The following MALRD1 variants were observed in gnomAD, a reference collection of about 807,000 sequenced individuals.
MALRD1 encodes MAM and LDL receptor class A domain containing 1, also known as MAM and LDL-receptor class A domain-containing protein 1.
A neutral mutation model predicts 242.1 loss-of-function variants in MALRD1; 247 were observed. The ratio of observed to expected loss-of-function variants is 1.02; its 90% confidence interval spans 0.92 to 1.13. MALRD1 has a LOEUF of 1.13. Among genes scored for constraint, MALRD1 ranks in the 50% most tolerant of loss-of-function variants. The pLI is 0.00. For missense variants in MALRD1, 2,989 were observed against 2,533.1 expected (o/e 1.18, Z -3.86); for synonymous variants, 995 against 866.6 (o/e 1.15, Z -2.60).
In MALRD1 at chr10:19,133,957, G is replaced by GAAA; in HGVS notation, c.1203+18_1203+20dup. ...ATCTGAAGACATTTAAGGTATGAAAGAAAAAAAAAAAGTATTTTTTTATCA... is the reference window on the plus strand; with the variant it reads ...ATCTGAAGACATTTAAGGTATGAAAGAAAAAAAAAAAAAAGTATTTTTTTATCA... On this transcript the variant is annotated intron_variant, in intron 9 of 39. Transcript: ENST00000454679. 1 of 991,894 alleles carries GAAA rather than the reference G, an allele frequency of 1.0e-6. No homozygotes were observed. Among genetic ancestry groups the GAAA allele is most frequent in the Non-Finnish European group, 1.3e-6 (1 of 793,426 alleles). 61.4% of individuals were successfully genotyped at this position (991,894 alleles called of 1,614,324 possible).
intron 21 of MALRD1, among the ~76,000 whole-genome samples, chr10:19,284,543 T>A (rs1319903239): frequency 6.6e-6 from 1 of 151,412 alleles, no homozygotes; most frequent in Non-Finnish European, 1.5e-5. Context: ...AGAATGATGG[T>A]TTCCAGTTTC....
chr10:19,436,039 G>GT (rs1361034890), intron 28 of MALRD1, among the ~76,000 whole-genome samples: 11 of 152,210 alleles, frequency 7.2e-5, no homozygotes, highest in African/African-American at 2.4e-4. Context: ...CTCAGCACCT[G>GT]TATCACCTGA....
Position 19,219,703 on chromosome 10 carries a change from C to T in MALRD1, c.2991+10023C>T, listed in dbSNP as rs114209457. Among the ~76,000 whole-genome samples, 1,239 of 152,314 alleles carry T rather than the reference C, an allele frequency of 8.1e-3. 20 individuals carry two copies. The highest frequency in any genetic ancestry group is 0.028 in the African/African-American group (1,170 of 41,570). On this transcript the variant is annotated intron_variant, in intron 18 of 39. Coordinates refer to ENST00000454679, the MANE Select transcript of MALRD1 (RefSeq NM_001142308.3). ...CCTCCCAGAGTGTTGGGATTACAGG[C>T]ATGAGCCACCATACTCAGCCAATAT...
At chr10:19,625,364 T>C (rs544618954) in intron 36 of MALRD1, among the ~76,000 whole-genome samples, 245 of 152,230 alleles carry the variant, frequency 1.6e-3, no homozygotes, top group Middle Eastern at 3.4e-3. Flanking sequence ...TGAAAATTCA[T>C]ATGGTTGCTT....
At chr10:19,733,648 T>C (rs969098810) in intron 39 of MALRD1, among the ~76,000 whole-genome samples, 23 of 150,316 alleles carry the variant, frequency 1.5e-4, no homozygotes, top group African/African-American at 5.6e-4. Flanking sequence ...TTTTTTTTTC[T>C]TGCACATTAT....
chr10:19,589,968 C>T (rs1163848079), intron 33 of MALRD1, among the ~76,000 whole-genome samples: 1 of 152,148 alleles, frequency 6.6e-6, no homozygotes, highest in Non-Finnish European at 1.5e-5. Flanking sequence ...TAACTACTGT[C>T]AGGACCGACC....
At position 19,302,337 on chromosome 10, in the gene MALRD1, G is replaced by A. The variant is rs188654672; in HGVS notation, c.3419+19156G>A. Among the ~76,000 whole-genome samples the A allele has an allele frequency of 2.6e-5, 4 of 151,780 alleles. No individual in the cohort carries two copies. In the East Asian group the frequency reaches 7.8e-4, roughly 30 times the overall value. On this transcript the variant is annotated intron_variant, in intron 21 of 39. Transcript: ENST00000454679. The stretch of plus-strand genomic sequence containing the variant: ...TACCCACAAAAAACCTTATACATGA[G>A]TATTCATAACAGCATTATTCATAAT...
intron 33 of MALRD1, among the ~76,000 whole-genome samples, chr10:19,582,173 G>T (rs1245126168): frequency 6.6e-6 from 1 of 151,934 alleles, no homozygotes; most frequent in Admixed American, 6.6e-5. Flanking sequence ...TCTGTAGGTT[G>T]CCTGTTCACT....
chr10:19,552,173 C>G (rs1835503447), intron 32 of MALRD1, among the ~76,000 whole-genome samples: 1 of 152,112 alleles, frequency 6.6e-6, no homozygotes, highest in Non-Finnish European at 1.5e-5. Flanking sequence ...ATGGTACCAG[C>G]TATTCTTTGT....
At chr10:19,345,358 A>C (rs2130972830) in intron 24 of MALRD1, among the ~76,000 whole-genome samples, 1 of 152,262 alleles carries the variant, frequency 6.6e-6, no homozygotes, top group Non-Finnish European at 1.5e-5. Context: ...ACAGGCTGCT[A>C]AATTTTCCAG....
intron 36 of MALRD1, among the ~76,000 whole-genome samples, chr10:19,653,676 A>G (rs1385920443): frequency 6.9e-6 from 1 of 145,982 alleles, no homozygotes; most frequent in African/African-American, 2.7e-5. Flanking sequence ...CAATGTCCGA[A>G]TAGTCTATGT....
chr10:19,235,441 T>C (rs1838267368), intron 18 of MALRD1, among the ~76,000 whole-genome samples: 1 of 148,848 alleles, frequency 6.7e-6, no homozygotes, highest in Non-Finnish European at 1.5e-5. Flanking sequence ...TTTGTTCATG[T>C]CCTTTGCCCA....
intron 33 of MALRD1, among the ~76,000 whole-genome samples, chr10:19,590,867 C>A (rs1203590049): frequency 6.6e-6 from 1 of 152,094 alleles, no homozygotes; most frequent in African/African-American, 2.4e-5. Context: ...TTGTTACAAT[C>A]AGTGAGATGA....
In MALRD1 at chr10:19,171,711, C is replaced by T. The variant is rs1342517819; in HGVS notation, c.1831-3497C>T. Among the ~76,000 whole-genome samples the T allele has an allele frequency of 7.5e-5, 10 of 134,022 alleles. No individual in the cohort carries two copies. In the East Asian group the frequency reaches 9.2e-4, roughly 12 times the overall value. The allele number at this position is 134,022 out of a possible 152,430, so 87.9% of individuals were successfully genotyped here. ...ATGTGTGTATGTGTGTGTATATATA[C>T]GTATATACACGTATATACGTATATA... On this transcript the variant is annotated intron_variant, in intron 13 of 39. Coordinates refer to ENST00000454679, the MANE Select transcript of MALRD1 (RefSeq NM_001142308.3).
chr10:19,214,761 A>G (rs986838510), intron 18 of MALRD1, among the ~76,000 whole-genome samples: 2 of 152,182 alleles, frequency 1.3e-5, no homozygotes, highest in African/African-American at 4.8e-5. Flanking sequence ...AGATTGGGAA[A>G]CAAAAAGAAG....
At chr10:19,445,468 G>C (rs1834920597) in intron 28 of MALRD1, among the ~76,000 whole-genome samples, 1 of 152,188 alleles carries the variant, frequency 6.6e-6, no homozygotes, top group Non-Finnish European at 1.5e-5. Context: ...GGTCTTTGAT[G>C]ATGGTGACAT....
chr10:19,417,981 G>GCACA (rs148229526), intron 28 of MALRD1, among the ~76,000 whole-genome samples: 2 of 150,736 alleles, frequency 1.3e-5, no homozygotes, highest in South Asian at 4.2e-4. Flanking sequence ...ACATACACAC[G>GCACA]CACACACACA....
In MALRD1 at chr10:19,128,316, A is replaced by C; in HGVS notation, c.1039A>C (p.Lys347Gln). The C allele has an allele frequency of 8.1e-7, 1 of 1,233,456 alleles. No homozygotes were observed. The highest frequency in any genetic ancestry group is 2.1e-4 in the Middle Eastern group (1 of 4,834). 76.4% of individuals were successfully genotyped at this position (1,233,456 alleles called of 1,614,324 possible). ...TAGCTCTGTGTGTCATTGCCTGGGC[A>C]AGAGCTGTCATCTTCAATTCTATTA... ...LNSSVCHCLG[K>Q]SCHLQFYYAM... The change falls in exon 8 of 40, where the codon AAG becomes CAG. Residue 347 changes from lysine to glutamine, a missense_variant. By Grantham distance (53) the Lys-to-Gln change is moderately conservative. Transcript: ENST00000454679.
At chr10:19,197,304 C>T (rs888068280) in intron 14 of MALRD1, among the ~76,000 whole-genome samples, 1 of 152,000 alleles carries the variant, frequency 6.6e-6, no homozygotes, top group African/African-American at 2.4e-5. Context: ...CACACCTTGA[C>T]CTCGAATTCT....
Sources: gnomAD v4.1 joint callset for allele counts (sites outside exome capture counted in the v4.1 genomes callset) on GRCh38, gnomAD v4.1.1 for gene constraint, MANE v1.5 for transcripts, NCBI Gene and HGNC (gene_info 2026-07-23, HGNC 2026-07-21) for gene names.